SGCZ: variants seen among roughly 807,000 people sequenced by gnomAD.
The protein encoded by SGCZ is sarcoglycan zeta.
Under a neutral mutation model 41.3 loss-of-function variants are expected in SGCZ, and 40 were observed. The observed-to-expected ratio is 0.97, with a 90% CI of 0.75 to 1.26. The LOEUF (loss-of-function observed/expected upper bound fraction) is 1.26, where lower values mean the gene tolerates loss of function less well. SGCZ is among the 50% of genes most tolerant of loss of function. SGCZ has a pLI of 0.00. For missense variants in SGCZ, 552 were observed against 369.8 expected (o/e 1.49, Z -4.04); for synonymous variants, 206 against 137.5 (o/e 1.50, Z -3.49).
chr8:14,714,676 T>G (rs1809630714), intron 1 of SGCZ, among the ~76,000 whole-genome samples: 2 of 152,058 alleles, frequency 1.3e-5, no homozygotes, highest in Admixed American at 6.6e-5. Context: ...AAGAGAAAAC[T>G]GATCAAAAGA....
intron 1 of SGCZ, among the ~76,000 whole-genome samples, chr8:14,835,669 A>T (rs897223116): frequency 6.6e-6 from 1 of 152,184 alleles, no homozygotes; most frequent in Non-Finnish European, 1.5e-5. Context: ...ATCATTACTT[A>T]TGTTTGCTGC....
intron 3 of SGCZ, among the ~76,000 whole-genome samples, chr8:14,314,744 G>A (rs1801659392): frequency 6.6e-6 from 1 of 152,098 alleles, no homozygotes; most frequent in Non-Finnish European, 1.5e-5. Context: ...ACTTATGTTT[G>A]TATTTACATA....
At chr8:15,205,060 A>G (rs754009831) in intron 1 of SGCZ, among the ~76,000 whole-genome samples, 2 of 152,216 alleles carry the variant, frequency 1.3e-5, no homozygotes, top group African/African-American at 2.4e-5. Flanking sequence ...GTTCAAGTTA[A>G]CAGTGAAACA....
chr8:14,924,794 A>G (rs1369615791), intron 1 of SGCZ, among the ~76,000 whole-genome samples: 3 of 152,084 alleles, frequency 2.0e-5, no homozygotes, highest in Non-Finnish European at 4.4e-5. Flanking sequence ...AGTCATATTA[A>G]CATTATCATT....
chr8:15,145,747 C>A (rs10089260), intron 1 of SGCZ, among the ~76,000 whole-genome samples: 1 of 152,150 alleles, frequency 6.6e-6, no homozygotes. Context: ...GAGCACCATA[C>A]GTGGCCCTCC....
intron 1 of SGCZ, among the ~76,000 whole-genome samples, chr8:14,849,550 A>G (rs926424448): frequency 1.3e-5 from 2 of 152,200 alleles, no homozygotes; most frequent in African/African-American, 4.8e-5. Flanking sequence ...TCCAGAGAAC[A>G]TATTGTATGA....
At chr8:14,757,785 G>T (rs933374591) in intron 1 of SGCZ, among the ~76,000 whole-genome samples, 1 of 152,112 alleles carries the variant, frequency 6.6e-6, no homozygotes, top group African/African-American at 2.4e-5. Context: ...TGACAGATTT[G>T]ATTTTACTAT....
At chr8:14,192,869 G>C (rs1487550289) in intron 4 of SGCZ, among the ~76,000 whole-genome samples, 1 of 152,054 alleles carries the variant, frequency 6.6e-6, no homozygotes, top group Admixed American at 6.5e-5. Flanking sequence ...GAAATAATCA[G>C]TGCAGTATTT....
intron 1 of SGCZ, among the ~76,000 whole-genome samples, chr8:14,758,021 T>C (rs1388827997): frequency 6.6e-6 from 1 of 152,212 alleles, no homozygotes; most frequent in African/African-American, 2.4e-5. Context: ...CATCCATGTA[T>C]ATACATAAAT....
intron 1 of SGCZ, among the ~76,000 whole-genome samples, chr8:14,969,473 C>T (rs889501125): frequency 6.6e-6 from 1 of 151,978 alleles, no homozygotes; most frequent in Non-Finnish European, 1.5e-5. Flanking sequence ...CTAGAAAATC[C>T]ATCACCTCCA....
At chr8:14,320,812 C>G (rs1228694917) in intron 3 of SGCZ, among the ~76,000 whole-genome samples, 1 of 152,006 alleles carries the variant, frequency 6.6e-6, no homozygotes, top group African/African-American at 2.4e-5. Context: ...ACCACCTCAC[C>G]TAAGAGTCCT....
chr8:15,097,725 T>C (rs958422610), intron 1 of SGCZ, among the ~76,000 whole-genome samples: 2 of 114,982 alleles, frequency 1.7e-5, no homozygotes, highest in African/African-American at 7.1e-5. Flanking sequence ...TGAGAGCTTA[T>C]AAAAAAAAAA....
chr8:14,103,208 A>G (rs558625233), intron 6 of SGCZ, among the ~76,000 whole-genome samples: 1 of 152,316 alleles, frequency 6.6e-6, no homozygotes, highest in African/African-American at 2.4e-5. Context: ...GGCAAGAAAC[A>G]AGTGTTTTAG....
chr8:14,926,462 C>T (rs1301695353), intron 1 of SGCZ, among the ~76,000 whole-genome samples: 1 of 151,966 alleles, frequency 6.6e-6, no homozygotes, highest in Non-Finnish European at 1.5e-5. Context: ...CAAACATGCA[C>T]ATTTATCACG....
At chr8:14,149,104 C>T (rs562991025) in intron 5 of SGCZ, among the ~76,000 whole-genome samples, 2 of 152,182 alleles carry the variant, frequency 1.3e-5, no homozygotes, top group East Asian at 3.9e-4. Flanking sequence ...AAACTGAAAG[C>T]CTTTCCTCTG....
intron 1 of SGCZ, among the ~76,000 whole-genome samples, chr8:14,697,411 C>A (rs1262980815): frequency 6.6e-6 from 1 of 152,038 alleles, no homozygotes; most frequent in Non-Finnish European, 1.5e-5. Context: ...GGAAATACAT[C>A]TAATATACTG....
chr8:14,768,859 G>C (rs776006240), intron 1 of SGCZ, among the ~76,000 whole-genome samples: 1 of 151,950 alleles, frequency 6.6e-6, no homozygotes, highest in East Asian at 1.9e-4. Context: ...ACTGACAAAG[G>C]GTTCATTTAA....
At chr8:14,856,278 C>T (rs769158093) in intron 1 of SGCZ, among the ~76,000 whole-genome samples, 6 of 152,092 alleles carry the variant, frequency 3.9e-5, no homozygotes, top group Admixed American at 6.6e-5. Context: ...CAGACTGTAA[C>T]GAATCCTATA....
At chr8:14,403,547 C>A (rs574739920) in intron 2 of SGCZ, among the ~76,000 whole-genome samples, 53 of 152,128 alleles carry the variant, frequency 3.5e-4, no homozygotes, top group Admixed American at 2.4e-3. Flanking sequence ...TTGAGATAAC[C>A]ATGTGGTTTT....
Sources: allele counts gnomAD v4.1 joint callset (sites outside exome capture counted in the v4.1 genomes callset), GRCh38; gene constraint gnomAD v4.1.1; transcripts MANE v1.5; gene names NCBI Gene and HGNC (gene_info 2026-07-23, HGNC 2026-07-21).